Variants in PEDS1 observed in about 807,000 individuals in gnomAD.
PEDS1 encodes plasmanylethanolamine desaturase 1.
In PEDS1, 14 loss-of-function variants were observed where a neutral mutation model predicts 35.2. That is an observed-to-expected ratio of 0.40 (90% confidence interval 0.26 to 0.62). The LOEUF is 0.62. Ranked by LOEUF, PEDS1 falls within the 20% of genes least tolerant of loss-of-function variation. PEDS1 has a pLI of 0.44. For missense variants in PEDS1, 260 were observed against 367.8 expected (o/e 0.71, Z 2.40); for synonymous variants, 152 against 152.0 (o/e 1.00, Z 0.00).
rs917891532 is a variant in PEDS1, at chr20:50,121,801, C to G, written c.*3257G>C. On this transcript the variant is annotated 3_prime_UTR_variant, in exon 6 of 6. Transcript: ENST00000371652. Reference sequence around the variant, plus strand: ...CTCAGGCTGAGGGTTTTTTTTCTGTCGGCTCCAGGGGAACTGACACAGATT... The same window carrying G: ...CTCAGGCTGAGGGTTTTTTTTCTGTGGGCTCCAGGGGAACTGACACAGATT... 6.6e-6 allele frequency: 1 copy of G among 152,202 alleles called. No homozygotes were observed. The highest frequency in any genetic ancestry group is 6.6e-5 in the Admixed American group (1 of 15,260). The allele number at this position is 152,202 out of a possible 1,614,324, so 9.4% of individuals were successfully genotyped here. A position where few individuals can be genotyped will look rare whatever the true frequency, so the allele number is the denominator to read the frequency against.
intron 1 of PEDS1, among the ~76,000 whole-genome samples, chr20:50,144,765 T>C (rs1049298467): frequency 6.6e-6 from 1 of 152,158 alleles, no homozygotes; most frequent in African/African-American, 2.4e-5. Flanking sequence ...CCAGGACATC[T>C]AGGTAAGTGC....
intron 2 of PEDS1, among the ~76,000 whole-genome samples, chr20:50,140,595 GC>G (rs11477561): frequency 0.3 from 45,219 of 152,068 alleles, 6,874 homozygotes; most frequent in Middle Eastern, 0.43. Context: ...TCTCTGCACG[GC>G]CCCTCCCTCA....
At chr20:50,139,570 C>G (rs775597744) in intron 2 of PEDS1, among the ~76,000 whole-genome samples, 1 of 151,984 alleles carries the variant, frequency 6.6e-6, no homozygotes. Context: ...CTTGCTGGCT[C>G]TTCCTCCTCC....
chr20:50,125,545 T>TATCTATCTATCC (rs2081091472), intron 5 of PEDS1, among the ~76,000 whole-genome samples: 1 of 11,338 alleles, frequency 8.8e-5, no homozygotes, highest in African/African-American at 2.2e-4. Context: ...CATTACCCTT[T>TATCTATCTATCC]ATCTATCTAT....
At chr20:50,125,921 T>A (rs1409981809) in intron 5 of PEDS1, among the ~76,000 whole-genome samples, 3 of 151,764 alleles carry the variant, frequency 2.0e-5, no homozygotes, top group Non-Finnish European at 4.4e-5. Flanking sequence ...GCAGATGGGG[T>A]CTTGTCTTAT....
In PEDS1 at chr20:50,119,968, A is replaced by G. The variant is rs1439052891; in HGVS notation, c.*5090T>C. 6.6e-6 allele frequency: 1 copy of G among 152,232 alleles called. No individual in the cohort carries two copies. Among genetic ancestry groups the G allele is most frequent in the Non-Finnish European group, 1.5e-5 (1 of 68,098 alleles). The allele number at this position is 152,232 out of a possible 1,614,324, so 9.4% of individuals were successfully genotyped here. ...AAATATTGTTCCCCCTCCCCCAGCC[A>G]TTTAAAAAATGCTCGTGGCTGACAT... On this transcript the variant is annotated 3_prime_UTR_variant, in exon 6 of 6. Transcript: ENST00000371652.
chr20:50,125,540 C>T (rs1341392566), intron 5 of PEDS1, among the ~76,000 whole-genome samples: 1 of 143,846 alleles, frequency 7.0e-6, no homozygotes, highest in Non-Finnish European at 1.5e-5. Context: ...TCTCACATTA[C>T]CCTTTATCTA....
chr20:50,129,685 G>A lies in PEDS1; in HGVS notation c.339C>T (p.Phe113=). The A allele has an allele frequency of 6.2e-7, 1 of 1,614,000 alleles. No homozygotes were observed. The highest frequency in any genetic ancestry group is 1.1e-5 in the South Asian group (1 of 91,080). Residue 113 remains phenylalanine, a synonymous_variant, in exon 4 of 6, where the codon TTC becomes TTT. Coordinates refer to ENST00000371652, the MANE Select transcript of PEDS1 (RefSeq NM_199129.4). The surrounding 1 kb of genome is among the most constrained non-coding windows in gnomAD (Gnocchi z 4.2). ...TGTGGTGCTCCCGGAAGGGTCGGAT[G>A]AAAGCCTGGAGTTGAGGGGGACACA... ...SVELPIVGKA[F]IRPFREHHID...
rs201354697 is a variant in PEDS1 at position 50,128,094 on chromosome 20, G to A, written c.572C>T (p.Thr191Met). 75 of 1,614,192 alleles carry A rather than the reference G, an allele frequency of 4.6e-5. No homozygotes were observed. Among genetic ancestry groups the A allele is most frequent in the East Asian group, 4.5e-5 (2 of 44,876 alleles). The change falls in exon 5 of 6, where the codon ACG (threonine) becomes ATG (methionine). Residue 191 changes from threonine (T) to methionine (M), a missense_variant. Physicochemically the swap from Thr to Met is moderately conservative, Grantham distance 81. This residue lies in a region of PEDS1 where 83 missense variants were observed against 142.8 expected (regional missense o/e 0.58). Coordinates refer to ENST00000371652, the MANE Select transcript of PEDS1 (RefSeq NM_199129.4). The surrounding 1 kb of genome is among the most constrained non-coding windows in gnomAD (Gnocchi z 5.2). ...FTNQIHKWSH[T>M]YFGLPRWVTL... ...GACCCAGCGTGGCAGCCCAAAGTACGTGTGCGACCACTTGTGGATCTGGTT... is the reference window on the plus strand; with the variant it reads ...GACCCAGCGTGGCAGCCCAAAGTACATGTGCGACCACTTGTGGATCTGGTT...
intron 5 of PEDS1, among the ~76,000 whole-genome samples, chr20:50,126,887 T>G (rs2081111770): frequency 6.6e-6 from 1 of 152,190 alleles, no homozygotes; most frequent in Non-Finnish European, 1.5e-5. Context: ...CTCTAATCTG[T>G]GCTCATCTAT....
rs184111997 is a variant in PEDS1 at position 50,145,301 on chromosome 20, G to A, written c.122-1680C>T. 2.5e-3 allele frequency among the ~76,000 whole-genome samples: 388 copies of A among 152,238 alleles called. 2 individuals carry two copies. The highest frequency in any genetic ancestry group is 2.6e-3 in the Non-Finnish European group (174 of 68,016). On this transcript the variant is annotated intron_variant, in intron 1 of 5. Coordinates refer to ENST00000371652, the MANE Select transcript of PEDS1 (RefSeq NM_199129.4). ...TCCAAGCACCCTGGGAAGCTGAGGC[G>A]AGAGGATTGCTTGAGCCCAGGAGTT...
At chr20:50,132,094 C>G (rs369819016) in intron 2 of PEDS1, among the ~76,000 whole-genome samples, 1 of 152,106 alleles carries the variant, frequency 6.6e-6, no homozygotes, top group Non-Finnish European at 1.5e-5. Flanking sequence ...ATCCCAGCTA[C>G]TCAGGAGGCT....
intron 1 of PEDS1, among the ~76,000 whole-genome samples, chr20:50,145,913 G>A (rs1001105028): frequency 6.6e-6 from 1 of 152,178 alleles, no homozygotes. Flanking sequence ...GAGTGGTCAA[G>A]GAAGTAGCCC....
rs752946434 is a variant in PEDS1 at position 50,129,734 on chromosome 20, G to T, written c.334-44C>A. 2 of 1,608,114 alleles carry T rather than the reference G, an allele frequency of 1.2e-6. No homozygotes were observed. Among genetic ancestry groups the T allele is most frequent in the Non-Finnish European group, 8.5e-7 (1 of 1,177,634 alleles). On this transcript the variant is annotated intron_variant, in intron 3 of 5. Transcript: ENST00000371652. This position sits in a 1 kb window ranked among gnomAD's most constrained non-coding sequence, Gnocchi z 4.2. ...CAGCCCCAGCAGTCAGCCTAAGGTG[G>T]TCAGCTGCTCTCCACAGCCCCCTAA...
At chr20:50,151,234 G>C (rs764520443) in intron 1 of PEDS1, 2 of 1,304,260 alleles carry the variant, frequency 1.5e-6, no homozygotes, top group East Asian at 5.5e-5. Context: ...AGGAGATAAA[G>C]GGCCTTGATT....
In PEDS1 at chr20:50,128,424, T is replaced by C. The variant is rs1188124112; in HGVS notation, c.479-237A>G. On this transcript the variant is annotated intron_variant, in intron 4 of 5. Coordinates refer to ENST00000371652, the MANE Select transcript of PEDS1 (RefSeq NM_199129.4). The surrounding 1 kb of genome is among the most constrained non-coding windows in gnomAD (Gnocchi z 5.2). ...TAGGATAATGGCATAAGCATGGCAA[T>C]GGCTGGGAATGTAGACCGGAGTCAG... 2.6e-5 allele frequency among the ~76,000 whole-genome samples: 4 copies of C among 152,200 alleles called. No individual in the cohort carries two copies. Among genetic ancestry groups the C allele is most frequent in the Non-Finnish European group, 4.4e-5 (3 of 68,036 alleles).
intron 2 of PEDS1, among the ~76,000 whole-genome samples, chr20:50,137,047 T>TG (rs1254458407): frequency 1.3e-5 from 2 of 149,070 alleles, no homozygotes; most frequent in African/African-American, 4.9e-5. Flanking sequence ...AAAGGCGGGG[T>TG]GGGGGGAGCA....
Position 50,123,471 on chromosome 20 carries a change from G to C in PEDS1, c.*1587C>G, listed in dbSNP as rs981039919. On this transcript the variant is annotated 3_prime_UTR_variant, in exon 6 of 6. Coordinates refer to ENST00000371652, the MANE Select transcript of PEDS1 (RefSeq NM_199129.4). ...AGTAGAGACAGGGTTTCACCATGTT[G>C]GCCAGGCTGGTCTAGAACTCCTGAC... is the stretch of plus-strand genomic sequence containing the variant. 6.6e-6 allele frequency: 1 copy of C among 152,180 alleles called. No homozygotes were observed. The highest frequency in any genetic ancestry group is 2.4e-5 in the African/African-American group (1 of 41,418). The allele number at this position is 152,180 out of a possible 1,614,324, so 9.4% of individuals were successfully genotyped here.
chr20:50,141,468 A>C (rs1410394311), intron 2 of PEDS1, among the ~76,000 whole-genome samples: 2 of 152,158 alleles, frequency 1.3e-5, no homozygotes, highest in African/African-American at 4.8e-5. Flanking sequence ...TTTTCTCAGC[A>C]CTTAGGCACA....
Sources: allele counts gnomAD v4.1 joint callset (sites outside exome capture counted in the v4.1 genomes callset), GRCh38; gene constraint gnomAD v4.1.1; regional missense constraint gnomAD v4.1.1; non-coding constraint Gnocchi (gnomAD v3.1); transcripts MANE v1.5; gene names NCBI Gene and HGNC (gene_info 2026-07-23, HGNC 2026-07-21).